Variants in KDM1A observed in about 807,000 individuals in gnomAD.
KDM1A encodes lysine demethylase 1A.
In KDM1A, 49 loss-of-function variants were observed where a neutral mutation model predicts 109.4. The ratio of observed to expected loss-of-function variants is 0.45; its 90% CI spans 0.36 to 0.57. The LOEUF is 0.57. Among genes scored for constraint, KDM1A ranks in the 20% least tolerant of loss-of-function variants. The pLI is 0.00. For synonymous variants in KDM1A, 380 were observed against 415.4 expected, an observed-to-expected ratio of 0.91 and a Z score of 1.04; for missense variants, 668 against 1,116.6, an observed-to-expected ratio of 0.60 and a Z score of 5.73.
In KDM1A at chr1:23,072,119, A is replaced by T; in HGVS notation, c.1549-5A>T. 6.3e-7 allele frequency: 1 copy of T among 1,598,240 alleles called. No individual in the cohort carries two copies. The highest frequency in any genetic ancestry group is 8.6e-7 in the Non-Finnish European group (1 of 1,168,902). ...GGTAACTCAGGTTCACTTAATTTTT[A>T]TCAGGAATATGATGAATTAGCTGAA... is the stretch of plus-strand genomic sequence containing the variant. On this transcript the variant is annotated splice_region_variant and splice_polypyrimidine_tract_variant and intron_variant, in intron 13 of 20. Coordinates refer to ENST00000400181, the MANE Select transcript of KDM1A (RefSeq NM_001009999.3).
chr1:23,082,465 T>G, intron 20 of KDM1A, 99 bp downstream of exon 20: 1 of 1,145,602 alleles, frequency 8.7e-7, no homozygotes, highest in South Asian at 1.8e-5. Flanking sequence ...AGTCATTCCA[T>G]CTTCGGACCC....
intron 14 of KDM1A, 33 bp from the exon 15 acceptor site, chr1:23,073,259 T>C (rs751541202): frequency 8.7e-7 from 1 of 1,145,060 alleles, no homozygotes; most frequent in African/African-American, 1.5e-5. Flanking sequence ...GTGATATCTT[T>C]TAATAATCCT....
intron 1 of KDM1A, 143 bp downstream of exon 1, chr1:23,020,090 T>G: frequency 1.1e-6 from 1 of 896,022 alleles, no homozygotes; most frequent in Non-Finnish European, 1.5e-6. Flanking sequence ...CCACGTCCCC[T>G]CTAGCTGGAC....
chr1:23,061,647 CT>C (rs1266925655), intron 9 of KDM1A, among the ~76,000 whole-genome samples: 1 of 127,024 alleles, frequency 7.9e-6, no homozygotes, highest in Non-Finnish European at 1.6e-5. Flanking sequence ...AAACTGTTGA[CT>C]AATAAACTAG....
chr1:23,049,978 T>TA (rs1642617736), intron 3 of KDM1A, among the ~76,000 whole-genome samples: 1 of 152,234 alleles, frequency 6.6e-6, no homozygotes. Flanking sequence ...TTTCATGCTG[T>TA]AATCCTAAAA....
chr1:23,029,832 T>C (rs1202404751), intron 1 of KDM1A, among the ~76,000 whole-genome samples: 1 of 151,872 alleles, frequency 6.6e-6, no homozygotes, highest in Non-Finnish European at 1.5e-5. Context: ...TAGAGAAGGG[T>C]TTTCACCATG....
At chr1:23,071,689 C>G (rs1209211070) in intron 13 of KDM1A, among the ~76,000 whole-genome samples, 1 of 152,208 alleles carries the variant, frequency 6.6e-6, no homozygotes, top group African/African-American at 2.4e-5. Context: ...AACTTGGAAT[C>G]TCGAGCCATG....
intron 2 of KDM1A, among the ~76,000 whole-genome samples, chr1:23,034,900 G>T (rs947598087): frequency 3.3e-5 from 5 of 152,132 alleles, no homozygotes; most frequent in Non-Finnish European, 7.4e-5. Context: ...CATCAGAAGT[G>T]TGTGTGTATA....
At chr1:23,055,724 A>G (rs1010235691) in intron 6 of KDM1A, among the ~76,000 whole-genome samples, 6 of 152,360 alleles carry the variant, frequency 3.9e-5, no homozygotes, top group African/African-American at 1.4e-4. Context: ...GATTTGATTT[A>G]TAAATGTTCG....
intron 2 of KDM1A, among the ~76,000 whole-genome samples, chr1:23,039,927 C>T (rs1642257600): frequency 1.3e-5 from 2 of 152,166 alleles, no homozygotes; most frequent in Admixed American, 1.3e-4. Context: ...GGGGCAGATA[C>T]GGTAAACACT....
intron 1 of KDM1A, among the ~76,000 whole-genome samples, 171 bp from the exon 2 acceptor site, chr1:23,030,298 G>A (rs1641944493): frequency 6.6e-6 from 1 of 152,194 alleles, no homozygotes; most frequent in African/African-American, 2.4e-5. Flanking sequence ...ATTGTTTCAT[G>A]AGGGCTTTGT....
At chr1:23,072,232 G>T in intron 14 of KDM1A, 35 bp downstream of exon 14, 1 of 1,432,920 alleles carries the variant, frequency 7.0e-7, no homozygotes, top group Non-Finnish European at 9.8e-7. Flanking sequence ...CAGAGGGAGA[G>T]CTTTTACTGT....
chr1:23,031,296 A>G (rs970921102), intron 2 of KDM1A, among the ~76,000 whole-genome samples: 2 of 152,190 alleles, frequency 1.3e-5, no homozygotes, highest in Non-Finnish European at 2.9e-5. Flanking sequence ...TTTTGGAGAG[A>G]CCAAGCAAAA....
At chr1:23,043,162 A>T (rs1456581778) in intron 2 of KDM1A, among the ~76,000 whole-genome samples, 1 of 152,248 alleles carries the variant, frequency 6.6e-6, no homozygotes, top group Non-Finnish European at 1.5e-5. Context: ...ATAAGTTTGC[A>T]GATTGGATTT....
At chr1:23,059,558 T>G (rs942817007) in intron 9 of KDM1A, among the ~76,000 whole-genome samples, 4 of 152,214 alleles carry the variant, frequency 2.6e-5, no homozygotes, top group African/African-American at 9.6e-5. Flanking sequence ...TGACTTCAGT[T>G]CTGTGTTCAT....
intron 9 of KDM1A, among the ~76,000 whole-genome samples, chr1:23,062,835 C>G (rs1036049422): frequency 1.3e-5 from 2 of 151,996 alleles, no homozygotes; most frequent in African/African-American, 4.8e-5. Context: ...CTAAGCATAT[C>G]CCTCTAAATA....
chr1:23,059,273 GTA>G (rs142186679), intron 9 of KDM1A, 106 bp downstream of exon 9: 251 of 784,128 alleles, frequency 3.2e-4, no homozygotes, highest in African/African-American at 5.3e-4. Context: ...ATATAGAGGT[GTA>G]TATATATATA....
intron 1 of KDM1A, among the ~76,000 whole-genome samples, chr1:23,030,147 T>C (rs1200498943): frequency 6.6e-6 from 1 of 152,238 alleles, no homozygotes; most frequent in African/African-American, 2.4e-5. Context: ...TATTCTTTTG[T>C]TGGAAATTCC....
chr1:23,037,127 T>TATAC (rs1642170480), intron 2 of KDM1A, among the ~76,000 whole-genome samples: 1 of 113,010 alleles, frequency 8.8e-6, no homozygotes, highest in Non-Finnish European at 2.0e-5. Context: ...AAAAAATATA[T>TATAC]ATACACACAC....
Sources: gnomAD v4.1 joint callset for allele counts (sites outside exome capture counted in the v4.1 genomes callset) on GRCh38, gnomAD v4.1.1 for gene constraint, MANE v1.5 for transcripts, NCBI Gene and HGNC (gene_info 2026-07-23, HGNC 2026-07-21) for gene names.